AFAP1: variants seen among roughly 807,000 people sequenced by gnomAD.
AFAP1 encodes actin filament associated protein 1.
A neutral mutation model predicts 93.9 loss-of-function variants in AFAP1; 75 were observed. That is an observed-to-expected ratio of 0.80 (90% CI 0.66 to 0.97). AFAP1 has a LOEUF of 0.97. Among genes scored for constraint, AFAP1 ranks in the 50% least tolerant of loss-of-function variants. AFAP1 has a pLI of 0.00. For synonymous variants in AFAP1, 517 were observed against 430.7 expected, an observed-to-expected ratio of 1.20 and a Z score of -2.48; for missense variants, 1,201 against 1,050.8, an observed-to-expected ratio of 1.14 and a Z score of -1.98.
At chr4:7,764,008 C>A (rs1266489881) in intron 17 of AFAP1, among the ~76,000 whole-genome samples, 1 of 152,204 alleles carries the variant, frequency 6.6e-6, no homozygotes, top group African/African-American at 2.4e-5. Flanking sequence ...ACCCCGTTCA[C>A]AGCAGCATGA....
intron 11 of AFAP1, among the ~76,000 whole-genome samples, chr4:7,786,537 A>G (rs1717281837): frequency 6.6e-6 from 1 of 152,256 alleles, no homozygotes; most frequent in African/African-American, 2.4e-5. Context: ...ACAGATCGCC[A>G]GTAACCAACA....
At position 7,762,034 on chromosome 4, in the gene AFAP1, A is replaced by C. The variant is rs2269850; in HGVS notation, c.*1731T>G. ...GGCTCAGGAACCCAAAACCGTTCCCAGCAGATGGCTTTGCAATCAATTCAA... is the reference window on the plus strand; with the variant it reads ...GGCTCAGGAACCCAAAACCGTTCCCCGCAGATGGCTTTGCAATCAATTCAA... On this transcript the variant is annotated 3_prime_UTR_variant, in exon 18 of 18. Transcript: ENST00000420658. 1 of 152,154 alleles carries C rather than the reference A, an allele frequency of 6.6e-6. No homozygotes were observed. The highest frequency in any genetic ancestry group is 1.5e-5 in the Non-Finnish European group (1 of 68,074). The allele number at this position is 152,154 out of a possible 1,614,324, so 9.4% of individuals were successfully genotyped here. A position where few individuals can be genotyped will look rare whatever the true frequency, so the allele number is the denominator to read the frequency against.
At chr4:7,781,715 G>T (rs909470067) in intron 12 of AFAP1, 88 bp from the exon 13 acceptor site, 1 of 1,493,206 alleles carries the variant, frequency 6.7e-7, no homozygotes, top group East Asian at 2.5e-5. Context: ...TTAATAGTAC[G>T]GCATTTAGCA....
Position 7,793,709 on chromosome 4 carries a change from C to T in AFAP1, c.1384G>A (p.Val462Ile), listed in dbSNP as rs767133179. Residue 462 changes from valine to isoleucine, a missense_variant, in exon 11 of 18, where the codon GTC becomes ATC. Coordinates refer to ENST00000420658, the MANE Select transcript of AFAP1 (RefSeq NM_001134647.2). ...DYIDVEMSAS[V>I]IQTAKQTFCF... ...AAGGTCTGTTTGGCTGTCTGAATGA[C>T]ACTTGCAGACATCTCCACATCAATG... 1.3e-6 allele frequency: 2 copies of T among 1,568,034 alleles called. No individual in the cohort carries two copies. Among genetic ancestry groups the T allele is most frequent in the Admixed American group, 3.4e-5 (2 of 59,474 alleles).
At chr4:7,785,982 A>G (rs1335876103) in intron 12 of AFAP1, among the ~76,000 whole-genome samples, 1 of 152,222 alleles carries the variant, frequency 6.6e-6, no homozygotes, top group Non-Finnish European at 1.5e-5. Flanking sequence ...CAAACTGTCT[A>G]CTAGCCTCAA....
chr4:7,798,129 C>T (rs370659396), intron 10 of AFAP1, among the ~76,000 whole-genome samples: 1,244 of 98,756 alleles, frequency 0.013, 16 homozygotes, highest in South Asian at 0.026. Context: ...GCTCACAGCA[C>T]TGCAACTCTA....
chr4:7,893,559 C>A, intron 1 of AFAP1, among the ~76,000 whole-genome samples: 1 of 117,042 alleles, frequency 8.5e-6, no homozygotes. Flanking sequence ...TCAGCCTGGG[C>A]GACAGAGTGG....
At chr4:7,884,257 C>T (rs1473699074) in intron 1 of AFAP1, among the ~76,000 whole-genome samples, 3 of 152,148 alleles carry the variant, frequency 2.0e-5, no homozygotes, top group Non-Finnish European at 4.4e-5. Context: ...GAACTATGAG[C>T]CAATTAAATC....
At chr4:7,907,560 C>G (rs1719487628) in intron 1 of AFAP1, among the ~76,000 whole-genome samples, 1 of 152,186 alleles carries the variant, frequency 6.6e-6, no homozygotes, top group Non-Finnish European at 1.5e-5. Flanking sequence ...TGGTCCAGAA[C>G]TCCTGCAACA....
chr4:7,838,826 G>C, intron 5 of AFAP1, 123 bp from the exon 6 acceptor site: 7 of 975,376 alleles, frequency 7.2e-6, no homozygotes, highest in Non-Finnish European at 1.1e-5. Context: ...ATCTGCAGAT[G>C]AGCAGGTTCA....
chr4:7,847,225 T>C (rs778072921), intron 4 of AFAP1, among the ~76,000 whole-genome samples: 5 of 152,064 alleles, frequency 3.3e-5, no homozygotes, highest in Non-Finnish European at 7.4e-5. Context: ...CTCCAGAAAG[T>C]ATGCTTAGCG....
chr4:7,868,501 T>C, intron 3 of AFAP1, 121 bp downstream of exon 3: 4 of 760,046 alleles, frequency 5.3e-6, no homozygotes, highest in South Asian at 3.9e-5. Context: ...CTCAAAGGAG[T>C]GCCTCGAGAC....
intron 1 of AFAP1, among the ~76,000 whole-genome samples, chr4:7,876,528 AAAGGACAG>A (rs1717518243): frequency 6.6e-6 from 1 of 152,200 alleles, no homozygotes; most frequent in African/African-American, 2.4e-5. Flanking sequence ...ACACGGGTGC[AAAGGACAG>A]AAGCCAGCAC....
intron 4 of AFAP1, among the ~76,000 whole-genome samples, chr4:7,851,352 C>T (rs1400977365): frequency 6.6e-6 from 1 of 152,196 alleles, no homozygotes; most frequent in Non-Finnish European, 1.5e-5. Context: ...TGTGAGCGAG[C>T]AAGCAGCCCT....
intron 1 of AFAP1, among the ~76,000 whole-genome samples, chr4:7,913,240 A>G (rs1381555059): frequency 3.3e-5 from 5 of 152,040 alleles, no homozygotes; most frequent in Non-Finnish European, 7.4e-5. Flanking sequence ...AATTTTAAAC[A>G]TTAGCTAGGC....
At chr4:7,933,313 G>A (rs137919005) in intron 1 of AFAP1, among the ~76,000 whole-genome samples, 2 of 152,122 alleles carry the variant, frequency 1.3e-5, no homozygotes, top group African/African-American at 2.4e-5. Flanking sequence ...GGTGGCTCAC[G>A]CCTGTAATCA....
At chr4:7,919,517 C>A (rs1720316408) in intron 1 of AFAP1, among the ~76,000 whole-genome samples, 1 of 152,178 alleles carries the variant, frequency 6.6e-6, no homozygotes, top group African/African-American at 2.4e-5. Flanking sequence ...CGATTGAGTT[C>A]TTATCAGAAC....
chr4:7,774,549 G>T, intron 15 of AFAP1, 190 bp downstream of exon 15: 1 of 866,078 alleles, frequency 1.2e-6, no homozygotes, highest in Non-Finnish European at 1.7e-6. Flanking sequence ...CCGCATGTTT[G>T]ACCACACAGG....
In AFAP1 at chr4:7,933,902, G is replaced by A. The variant is rs1396179668; in HGVS notation, c.-3+5754C>T. On this transcript the variant is annotated intron_variant, in intron 1 of 17. Transcript: ENST00000420658. ...AGACTTCTACCCCACAGAACTGTGA[G>A]ATGATACAATTTCAATTATTTTAAG... 2.0e-5 allele frequency among the ~76,000 whole-genome samples: 3 copies of A among 152,374 alleles called. No homozygotes were observed. In the East Asian group the frequency reaches 5.8e-4, roughly 29 times the overall value.
Sources: gnomAD v4.1 joint callset for allele counts (sites outside exome capture counted in the v4.1 genomes callset) on GRCh38, gnomAD v4.1.1 for gene constraint, MANE v1.5 for transcripts, NCBI Gene and HGNC (gene_info 2026-07-23, HGNC 2026-07-21) for gene names.